Variants in MAML2 observed in about 807,000 individuals in gnomAD.
MAML2 encodes mastermind-like protein 2.
In MAML2, 22 loss-of-function variants were observed where a neutral mutation model predicts 96.1. That is an observed-to-expected ratio of 0.23 (90% confidence interval 0.16 to 0.33). The LOEUF (loss-of-function observed/expected upper bound fraction) is 0.33, where lower values mean the gene tolerates loss of function less well. MAML2 is among the 10% of genes least tolerant of loss of function. The pLI is 1.00. For synonymous variants in MAML2, 561 were observed against 521.3 expected (o/e 1.08, Z -1.04); for missense variants, 1,367 against 1,392.4 (o/e 0.98, Z 0.29).
intron 2 of MAML2, among the ~76,000 whole-genome samples, chr11:96,042,144 T>G (rs1858823858): frequency 6.6e-6 from 1 of 152,056 alleles, no homozygotes; most frequent in Non-Finnish European, 1.5e-5. Context: ...GCCTGGCTAA[T>G]TTTTTGTATT....
chr11:96,334,053 G>T (rs1863886771), intron 1 of MAML2, among the ~76,000 whole-genome samples: 1 of 152,184 alleles, frequency 6.6e-6, no homozygotes, highest in African/African-American at 2.4e-5. Flanking sequence ...GGAAGAGGTA[G>T]TACTTGGTCC....
chr11:96,059,148 T>G (rs893874624), intron 2 of MAML2, among the ~76,000 whole-genome samples: 3 of 152,172 alleles, frequency 2.0e-5, no homozygotes, highest in Admixed American at 2.0e-4. Context: ...GCAATTTACC[T>G]AGGGTAAGTT....
intron 1 of MAML2, among the ~76,000 whole-genome samples, chr11:96,326,358 CGTGTGTGTGTGTGTGTGTGTGTGTGTGTG>C (rs1863779432): frequency 1.4e-5 from 2 of 147,638 alleles, no homozygotes; most frequent in South Asian, 4.3e-4. Context: ...CACACTAAAG[CGTGTGTGTGTGTGTGTGTGTGTGTGTGTG>C]CATGTATGTG....
chr11:96,290,889 G>T (rs955817349), intron 1 of MAML2, among the ~76,000 whole-genome samples: 4 of 152,176 alleles, frequency 2.6e-5, no homozygotes, highest in African/African-American at 9.6e-5. Context: ...GTCTTTGGCT[G>T]TTGGGTTTTT....
intron 2 of MAML2, among the ~76,000 whole-genome samples, chr11:96,006,860 A>G (rs186890636): frequency 7.1e-6 from 1 of 141,002 alleles, no homozygotes; most frequent in Non-Finnish European, 1.5e-5. Context: ...ACGCCTGGCC[A>G]GGAATATCTT....
Position 95,987,765 on chromosome 11 carries a change from T to G in MAML2, c.2344-2123A>C, listed in dbSNP as rs145746649. On this transcript the variant is annotated intron_variant, in intron 3 of 4. Transcript: ENST00000524717. ...AAAAGGCTTGAAAGACACAGTTTTT[T>G]GCACATAAGTAATTCATATAAAACA... 4.4e-4 allele frequency among the ~76,000 whole-genome samples: 67 copies of G among 152,332 alleles called. 1 individual carries two copies. Among genetic ancestry groups the G allele is most frequent in the Middle Eastern group, 6.8e-3 (2 of 294 alleles).
At chr11:96,187,356 G>T (rs184235757) in intron 1 of MAML2, among the ~76,000 whole-genome samples, 1 of 152,126 alleles carries the variant, frequency 6.6e-6, no homozygotes, top group African/African-American at 2.4e-5. Flanking sequence ...ACACTTAGTA[G>T]GTATTCTAGA....
chr11:95,985,780 G>T (rs1366479952), intron 3 of MAML2, 138 bp from the exon 4 acceptor site: 1 of 569,504 alleles, frequency 1.8e-6, no homozygotes, highest in African/African-American at 1.9e-5. Flanking sequence ...ACCTTATTTT[G>T]TAGTCTTAAT....
At chr11:96,077,323 T>A (rs1859458173) in intron 2 of MAML2, among the ~76,000 whole-genome samples, 1 of 149,806 alleles carries the variant, frequency 6.7e-6, no homozygotes, top group African/African-American at 2.5e-5. Flanking sequence ...TGGGTTCAAG[T>A]GATTTTCCTG....
intron 3 of MAML2, among the ~76,000 whole-genome samples, chr11:95,989,270 T>C (rs1857874358): frequency 1.3e-5 from 2 of 152,096 alleles, no homozygotes; most frequent in African/African-American, 2.4e-5. Context: ...TTCCTGGATA[T>C]GCTAAAAAGC....
At chr11:96,277,546 G>C (rs773342501) in intron 1 of MAML2, among the ~76,000 whole-genome samples, 1 of 152,040 alleles carries the variant, frequency 6.6e-6, no homozygotes, top group African/African-American at 2.4e-5. Context: ...GAGATCAGGA[G>C]TTTGAGACCA....
chr11:96,190,085 C>A (rs1861631895), intron 1 of MAML2, among the ~76,000 whole-genome samples: 1 of 152,128 alleles, frequency 6.6e-6, no homozygotes, highest in Non-Finnish European at 1.5e-5. Context: ...TGGATGAAGA[C>A]ATGTTAATAG....
chr11:96,072,397 A>C (rs1590994640), intron 2 of MAML2, among the ~76,000 whole-genome samples: 1 of 152,352 alleles, frequency 6.6e-6, no homozygotes, highest in African/African-American at 2.4e-5. Flanking sequence ...TGAAATCAGA[A>C]GTTCACAGTT....
chr11:96,340,608 G>A (rs138322862), intron 1 of MAML2, among the ~76,000 whole-genome samples: 1 of 152,328 alleles, frequency 6.6e-6, no homozygotes, highest in East Asian at 1.9e-4. Context: ...AGGAGTGGCT[G>A]AAGACAAGGT....
chr11:96,278,105 C>T (rs1016077521), intron 1 of MAML2, among the ~76,000 whole-genome samples: 3 of 152,096 alleles, frequency 2.0e-5, no homozygotes, highest in Admixed American at 6.6e-5. Context: ...GGAAGCACAC[C>T]TTGAGAACCA....
At chr11:96,326,734 C>T (rs1277132757) in intron 1 of MAML2, among the ~76,000 whole-genome samples, 1 of 151,288 alleles carries the variant, frequency 6.6e-6, no homozygotes, top group African/African-American at 2.5e-5. Context: ...AATTGCACTC[C>T]AGCCGGGCAA....
chr11:96,030,651 A>G (rs1858598127), intron 2 of MAML2, among the ~76,000 whole-genome samples: 1 of 152,202 alleles, frequency 6.6e-6, no homozygotes. Flanking sequence ...AGCTGTATAC[A>G]TGGTAGAGAT....
At chr11:96,026,814 A>G (rs1858529059) in intron 2 of MAML2, among the ~76,000 whole-genome samples, 1 of 94,174 alleles carries the variant, frequency 1.1e-5, no homozygotes, top group African/African-American at 4.2e-5. Flanking sequence ...CAGCATTGCT[A>G]TGGGGTTAAA....
intron 1 of MAML2, among the ~76,000 whole-genome samples, chr11:96,290,856 T>G (rs11021519): frequency 0.03 from 4,570 of 152,254 alleles, 224 homozygotes; most frequent in African/African-American, 0.1. Context: ...AAGGTCACTC[T>G]GTATATAATG....
Sources: allele counts gnomAD v4.1 joint callset (sites outside exome capture counted in the v4.1 genomes callset), GRCh38; gene constraint gnomAD v4.1.1; transcripts MANE v1.5; gene names NCBI Gene and HGNC (gene_info 2026-07-23, HGNC 2026-07-21).